Variants in NMU observed in about 807,000 individuals in gnomAD.
NMU encodes neuromedin U.
NMU carries 29 observed loss-of-function variants against 35.4 expected under a neutral mutation model. The ratio of observed to expected loss-of-function variants is 0.82; its 90% CI spans 0.61 to 1.12. NMU has a LOEUF of 1.12. Ranked by LOEUF, NMU falls within the 50% of genes most tolerant of loss-of-function variation. The pLI is 0.00. For missense variants in NMU, 199 were observed against 206.2 expected, an observed-to-expected ratio of 0.97 and a Z score of 0.21; for synonymous variants, 78 against 81.3, an observed-to-expected ratio of 0.96 and a Z score of 0.22.
At chr4:55,605,205 A>G (rs1462226646) in intron 7 of NMU, 70 bp downstream of exon 7, 3 of 1,008,192 alleles carry the variant, frequency 3.0e-6, no homozygotes, top group Non-Finnish European at 4.8e-6. Flanking sequence ...GAACTACCAC[A>G]GCTGGGAATT....
At chr4:55,602,602 C>G (rs1045403218) in intron 7 of NMU, among the ~76,000 whole-genome samples, 37 of 152,270 alleles carry the variant, frequency 2.4e-4, no homozygotes, top group African/African-American at 8.4e-4. Context: ...GAAACTGTAT[C>G]TTTAAGTTGA....
intron 1 of NMU, among the ~76,000 whole-genome samples, chr4:55,631,960 A>G (rs1343958286): frequency 6.6e-6 from 1 of 152,274 alleles, no homozygotes; most frequent in African/African-American, 2.4e-5. Flanking sequence ...TGGTCAATAT[A>G]TACACCATGG....
intron 3 of NMU, among the ~76,000 whole-genome samples, chr4:55,615,532 A>C (rs779417845): frequency 8.2e-4 from 125 of 152,360 alleles, no homozygotes; most frequent in Non-Finnish European, 1.7e-3. Flanking sequence ...GACCTCCAAA[A>C]GTCTGACTCA....
At chr4:55,612,529 G>T (rs1733974290) in intron 3 of NMU, among the ~76,000 whole-genome samples, 1 of 152,082 alleles carries the variant, frequency 6.6e-6, no homozygotes, top group African/African-American at 2.4e-5. Context: ...AAACACGTAT[G>T]GCTGATTTCA....
intron 7 of NMU, among the ~76,000 whole-genome samples, chr4:55,604,215 A>G (rs918249766): frequency 1.5e-4 from 23 of 149,246 alleles, no homozygotes; most frequent in Admixed American, 2.0e-4. Flanking sequence ...ACAGGCGCCC[A>G]CCGCCACGCC....
intron 3 of NMU, among the ~76,000 whole-genome samples, chr4:55,615,445 A>G (rs537313305): frequency 1.9e-4 from 29 of 152,286 alleles, no homozygotes; most frequent in African/African-American, 6.5e-4. Context: ...TCTGGAGGCA[A>G]TTATAGCAAA....
chr4:55,599,020 G>T, intron 9 of NMU, 122 bp downstream of exon 9: 1 of 670,838 alleles, frequency 1.5e-6, no homozygotes, highest in South Asian at 1.8e-5. Context: ...TCAAATAATA[G>T]AAATACATTT....
chr4:55,595,583 C>CACAT (rs1733140254), intron 9 of NMU, among the ~76,000 whole-genome samples, 172 bp from the exon 10 acceptor site: 1 of 143,078 alleles, frequency 7.0e-6, no homozygotes, highest in East Asian at 2.1e-4. Flanking sequence ...CACACACACA[C>CACAT]ATGCACACAG....
intron 1 of NMU, among the ~76,000 whole-genome samples, chr4:55,633,189 G>A (rs933457798): frequency 6.6e-6 from 1 of 151,932 alleles, no homozygotes; most frequent in Admixed American, 6.6e-5. Flanking sequence ...GCCGGGCATG[G>A]TGGCGGGCAC....
chr4:55,597,667 C>T (rs548511568), intron 9 of NMU, among the ~76,000 whole-genome samples: 4 of 152,144 alleles, frequency 2.6e-5, no homozygotes, highest in South Asian at 2.1e-4. Context: ...TGCCCAGCCG[C>T]GGGTATAGTT....
rs770167116 is a variant in NMU at position 55,636,068 on chromosome 4, G to A, written c.112+13C>T. The stretch of plus-strand genomic sequence containing the variant: ...GCATGGCGTGGAAGCGGCCGGGTGC[G>A]GGGCCGTCTTACCTCGGCAGGCGCC... On this transcript the variant is annotated intron_variant, in intron 1 of 9. Coordinates refer to ENST00000264218, the MANE Select transcript of NMU (RefSeq NM_006681.4). The surrounding 1 kb of genome is among the most constrained non-coding windows in gnomAD (Gnocchi z 4.0). 8.5e-5 allele frequency: 130 copies of A among 1,531,086 alleles called. No homozygotes were observed. The highest frequency in any genetic ancestry group is 1.1e-4 in the Non-Finnish European group (129 of 1,145,404). 94.8% of individuals were successfully genotyped at this position (1,531,086 alleles called of 1,614,324 possible).
intron 7 of NMU, among the ~76,000 whole-genome samples, chr4:55,602,064 G>A (rs1733448178): frequency 1.3e-5 from 2 of 151,886 alleles, no homozygotes; most frequent in Admixed American, 1.3e-4. Context: ...AAAACTAAAA[G>A]GCCAGACAAA....
chr4:55,603,421 G>T (rs1436457867), intron 7 of NMU, among the ~76,000 whole-genome samples: 1 of 152,002 alleles, frequency 6.6e-6, no homozygotes, highest in Non-Finnish European at 1.5e-5. Flanking sequence ...GCCTAGATCA[G>T]AATTCAGAAA....
chr4:55,596,416 A>G (rs575502997), intron 9 of NMU, among the ~76,000 whole-genome samples: 2 of 150,614 alleles, frequency 1.3e-5, no homozygotes, highest in African/African-American at 4.9e-5. Context: ...TCTGTTTCAC[A>G]TTGTGAACAC....
intron 7 of NMU, among the ~76,000 whole-genome samples, chr4:55,602,159 G>A (rs1196000864): frequency 6.6e-6 from 1 of 152,014 alleles, no homozygotes; most frequent in Non-Finnish European, 1.5e-5. Flanking sequence ...CATTAGCATA[G>A]AGCATCATAT....
intron 7 of NMU, among the ~76,000 whole-genome samples, chr4:55,601,580 C>T (rs1733425500): frequency 6.6e-6 from 1 of 151,164 alleles, no homozygotes; most frequent in Non-Finnish European, 1.5e-5. Context: ...TCACATGTAC[C>T]CCCAAAATAT....
intron 8 of NMU, among the ~76,000 whole-genome samples, chr4:55,599,522 T>C (rs1439092657): frequency 1.3e-5 from 2 of 152,192 alleles, no homozygotes; most frequent in East Asian, 1.9e-4. Context: ...ATGAACTTAC[T>C]GAAGTCAGGG....
chr4:55,611,787 C>T (rs955589041), intron 3 of NMU, among the ~76,000 whole-genome samples: 6 of 152,254 alleles, frequency 3.9e-5, no homozygotes, highest in Admixed American at 6.5e-5. Context: ...TGTGTAAGTA[C>T]GCTCTATGAT....
In NMU at chr4:55,605,372, G is replaced by A. The variant is rs28708653; in HGVS notation, c.361-23C>T. 5,319 of 1,561,382 alleles carry A rather than the reference G, an allele frequency of 3.4e-3. 161 individuals are homozygous for A. In the African/African-American group the frequency reaches 0.063, roughly 18 times the overall value. On this transcript the variant is annotated intron_variant, in intron 6 of 9. Transcript: ENST00000264218. ...CGACTGAGAGGACATGAACACACAC[G>A]TGAATAAGTGCATGGCTTCTCAGCA...
Sources: allele counts gnomAD v4.1 joint callset (sites outside exome capture counted in the v4.1 genomes callset), GRCh38; gene constraint gnomAD v4.1.1; non-coding constraint Gnocchi (gnomAD v3.1); transcripts MANE v1.5; gene names NCBI Gene and HGNC (gene_info 2026-07-23, HGNC 2026-07-21).